Variants in GABRB1 observed in about 807,000 individuals in gnomAD.
GABRB1 encodes the protein gamma-aminobutyric acid receptor subunit beta-1.
Under a neutral mutation model 51.6 loss-of-function variants are expected in GABRB1, and 17 were observed. The ratio of observed to expected loss-of-function variants is 0.33; its 90% CI spans 0.23 to 0.49. GABRB1 has a LOEUF of 0.49. Ranked by LOEUF, GABRB1 falls within the 20% of genes least tolerant of loss-of-function variation. The probability of loss-of-function intolerance (pLI) is 0.99; values close to 1 mark genes in which losing one functional copy is unlikely to be tolerated. For missense variants in GABRB1, 410 were observed against 600.6 expected (o/e 0.68, Z 3.32); for synonymous variants, 247 against 218.9 (o/e 1.13, Z -1.14).
At chr4:47,377,347 T>C (rs1213544421) in intron 5 of GABRB1, among the ~76,000 whole-genome samples, 5 of 151,938 alleles carry the variant, frequency 3.3e-5, no homozygotes, top group Admixed American at 1.3e-4. Context: ...ACCCTCGCCG[T>C]GAGTGTTACA....
intron 4 of GABRB1, among the ~76,000 whole-genome samples, chr4:47,260,705 C>T (rs1324622391): frequency 6.6e-6 from 1 of 152,138 alleles, no homozygotes; most frequent in Non-Finnish European, 1.5e-5. Context: ...CGCTGTTAGT[C>T]TGATGGGCTT....
intron 4 of GABRB1, among the ~76,000 whole-genome samples, chr4:47,268,493 A>C (rs1179424198): frequency 6.6e-6 from 1 of 152,160 alleles, no homozygotes; most frequent in East Asian, 1.9e-4. Flanking sequence ...CATGTATTAC[A>C]TCATTAAAAT....
rs542149438 is a variant in GABRB1 at position 47,007,837 on chromosome 4, A to T, written c.-20+13911A>T. Reference sequence around the variant, plus strand: ...CATTTGTATTCTAACAGCATTAAGTACCATTAAAGGACGTATACCTTGGAA... The same window carrying T: ...CATTTGTATTCTAACAGCATTAAGTTCCATTAAAGGACGTATACCTTGGAA... On this transcript the variant is annotated intron_variant, in intron 1 of 3. Coordinates refer to the GABRB1 transcript ENST00000513567. Among the ~76,000 whole-genome samples the T allele has an allele frequency of 1.2e-3, 170 of 136,628 alleles. 1 individual carries two copies. Among genetic ancestry groups the T allele is most frequent in the Middle Eastern group, 4.3e-3 (1 of 234 alleles). The allele number at this position is 136,628 out of a possible 152,430, so 89.6% of individuals were successfully genotyped here.
chr4:47,269,505 T>G (rs1722770755), intron 4 of GABRB1, among the ~76,000 whole-genome samples: 1 of 152,122 alleles, frequency 6.6e-6, no homozygotes, highest in Admixed American at 6.5e-5. Context: ...CCAGTGGGGT[T>G]TAGTGTGAGG....
chr4:47,325,892 A>G (rs1255155662), intron 5 of GABRB1, among the ~76,000 whole-genome samples: 3 of 152,192 alleles, frequency 2.0e-5, no homozygotes, highest in Non-Finnish European at 2.9e-5. Context: ...CTAGCCCCCA[A>G]TATAATGATA....
intron 5 of GABRB1, among the ~76,000 whole-genome samples, chr4:47,370,469 A>C (rs1727148466): frequency 6.8e-6 from 1 of 147,410 alleles, no homozygotes; most frequent in Non-Finnish European, 1.5e-5. Context: ...CCTGGGCGAC[A>C]GGACGAGACT....
intron 4 of GABRB1, among the ~76,000 whole-genome samples, chr4:47,295,769 T>C (rs1044060621): frequency 8.5e-5 from 13 of 152,264 alleles, no homozygotes; most frequent in Admixed American, 7.8e-4. Context: ...GCCACAAAGA[T>C]ACTCCTCGAG....
rs1724384099 is a variant in GABRB1 at position 47,005,916 on chromosome 4, C to A, written c.-20+11990C>A. ...TGAATACAAATGTCTTCTTTCCTCC[C>A]TTCTTTCATTTCTTCCTGTACTTAT... On this transcript the variant is annotated intron_variant, in intron 1 of 3. Coordinates refer to the GABRB1 transcript ENST00000513567. Among the ~76,000 whole-genome samples the A allele has an allele frequency of 2.0e-5, 3 of 148,592 alleles. No homozygotes were observed. In the South Asian group the frequency reaches 6.5e-4, roughly 32 times the overall value.
intron 3 of GABRB1, among the ~76,000 whole-genome samples, chr4:47,045,442 TATCATCATCATCATCATCATC>T (rs36118087): frequency 6.0e-5 from 9 of 149,458 alleles, no homozygotes; most frequent in South Asian, 4.3e-4. Context: ...TATTCTCCTT[TATCATCATCATCATCATCATC>T]ATCATCATCA....
At chr4:47,120,224 G>A (rs1055478301) in intron 3 of GABRB1, among the ~76,000 whole-genome samples, 1 of 152,082 alleles carries the variant, frequency 6.6e-6, no homozygotes, top group Non-Finnish European at 1.5e-5. Flanking sequence ...CCCAACACTA[G>A]AGCACCCAAA....
At chr4:47,188,289 G>A (rs1719272008) in intron 4 of GABRB1, among the ~76,000 whole-genome samples, 1 of 151,976 alleles carries the variant, frequency 6.6e-6, no homozygotes. Context: ...AGCTGTTTCA[G>A]AATTAGTTCA....
chr4:47,265,126 A>C (rs1249847815), intron 4 of GABRB1, among the ~76,000 whole-genome samples: 3 of 152,098 alleles, frequency 2.0e-5, no homozygotes, highest in Non-Finnish European at 4.4e-5. Flanking sequence ...TTTCTGAGTA[A>C]CCAATATCTA....
At chr4:47,159,525 A>C (rs925934677) in intron 3 of GABRB1, among the ~76,000 whole-genome samples, 1 of 150,342 alleles carries the variant, frequency 6.7e-6, no homozygotes, top group Non-Finnish European at 1.5e-5. Flanking sequence ...TTTTTTTTAC[A>C]TGAAGGTAAG....
chr4:47,036,179 A>G (rs907438028), intron 3 of GABRB1, among the ~76,000 whole-genome samples: 3 of 152,228 alleles, frequency 2.0e-5, no homozygotes, highest in African/African-American at 7.2e-5. Context: ...AAAATGAGCC[A>G]ATTTTATAAA....
chr4:47,165,916 C>T (rs993201774), intron 4 of GABRB1, among the ~76,000 whole-genome samples: 15 of 152,106 alleles, frequency 9.9e-5, no homozygotes, highest in African/African-American at 3.4e-4. Flanking sequence ...TGTAATTCCA[C>T]GTCTCTTTTG....
intron 1 of GABRB1, among the ~76,000 whole-genome samples, chr4:47,005,637 C>CT (rs1301009009): frequency 6.7e-6 from 1 of 150,062 alleles, no homozygotes; most frequent in Non-Finnish European, 1.5e-5. Context: ...TTATAGTCAG[C>CT]TTTTTTTAAG....
rs552875829 is a variant in GABRB1 at position 47,336,660 on chromosome 4, G to T, written c.544+16451G>T. 5.3e-5 allele frequency among the ~76,000 whole-genome samples: 8 copies of T among 152,326 alleles called. No individual in the cohort carries two copies. The South Asian group carries it at 1.7e-3, about 32-fold the overall frequency. On this transcript the variant is annotated intron_variant, in intron 5 of 8. Coordinates refer to ENST00000295454, the MANE Select transcript of GABRB1 (RefSeq NM_000812.4). Reference sequence around the variant, plus strand: ...AAAAAAAAATGTTCTAGAAAAAGAAGTGATCACCTAGGACAAATGTCCCTG... The same window carrying T: ...AAAAAAAAATGTTCTAGAAAAAGAATTGATCACCTAGGACAAATGTCCCTG...
chr4:47,318,586 A>G (rs1724966369), intron 4 of GABRB1, among the ~76,000 whole-genome samples: 1 of 152,008 alleles, frequency 6.6e-6, no homozygotes, highest in Non-Finnish European at 1.5e-5. Flanking sequence ...AAGAAACACT[A>G]TCCTAGGATG....
intron 5 of GABRB1, among the ~76,000 whole-genome samples, chr4:47,333,147 T>C (rs1725548478): frequency 6.8e-6 from 1 of 146,180 alleles, no homozygotes; most frequent in Non-Finnish European, 1.5e-5. Flanking sequence ...ATATATTATA[T>C]TTATATATTT....
Sources: allele counts gnomAD v4.1 joint callset (sites outside exome capture counted in the v4.1 genomes callset), GRCh38; gene constraint gnomAD v4.1.1; transcripts MANE v1.5; gene names NCBI Gene and HGNC (gene_info 2026-07-23, HGNC 2026-07-21).